The following SENP6 variants were observed in gnomAD, a reference collection of about 807,000 sequenced individuals.
SENP6 encodes SUMO specific peptidase 6.
Under a neutral mutation model 134.5 loss-of-function variants are expected in SENP6, and 41 were observed. The observed-to-expected ratio is 0.30, with a 90% CI of 0.24 to 0.40. SENP6 has a LOEUF of 0.40. Among genes scored for constraint, SENP6 ranks in the 10% least tolerant of loss-of-function variants. The probability of loss-of-function intolerance (pLI) is 1.00; values close to 1 mark genes in which losing one functional copy is unlikely to be tolerated. For synonymous variants in SENP6, 395 were observed against 429.8 expected (o/e 0.92, Z 1.00); for missense variants, 1,248 against 1,312.5 (o/e 0.95, Z 0.76).
At chr6:75,669,824 A>G (rs1250586129) in intron 10 of SENP6, among the ~76,000 whole-genome samples, 2 of 152,238 alleles carry the variant, frequency 1.3e-5, no homozygotes, top group African/African-American at 2.4e-5. Flanking sequence ...GCATGAAGCA[A>G]TCTGCTAAAC....
intron 1 of SENP6, among the ~76,000 whole-genome samples, chr6:75,605,891 G>A (rs1338691686): frequency 6.6e-6 from 1 of 152,218 alleles, no homozygotes; most frequent in African/African-American, 2.4e-5. Context: ...CAAGGTAGAA[G>A]TGGTCGGGGC....
intron 7 of SENP6, chr6:75,655,123 A>G (rs918558991): frequency 1.3e-5 from 2 of 152,240 alleles, no homozygotes; most frequent in African/African-American, 4.8e-5. Context: ...TTGAACCAAG[A>G]TCGGTCCTCC....
intron 5 of SENP6, among the ~76,000 whole-genome samples, chr6:75,637,807 G>C (rs1039315392): frequency 1.3e-5 from 2 of 152,078 alleles, no homozygotes; most frequent in African/African-American, 4.8e-5. Flanking sequence ...AGGAATATGG[G>C]CTCCTAGAAT....
intron 16 of SENP6, among the ~76,000 whole-genome samples, chr6:75,693,518 A>G (rs1774441122): frequency 6.6e-6 from 1 of 152,070 alleles, no homozygotes; most frequent in African/African-American, 2.4e-5. Flanking sequence ...CTATTTATCT[A>G]CATAGTGTGT....
intron 5 of SENP6, among the ~76,000 whole-genome samples, chr6:75,636,564 G>A (rs557899005): frequency 6.6e-6 from 1 of 152,128 alleles, no homozygotes; most frequent in Non-Finnish European, 1.5e-5. Context: ...ATTGATTAGG[G>A]TACAGAAAGA....
intron 16 of SENP6, among the ~76,000 whole-genome samples, chr6:75,692,107 C>T (rs1166812829): frequency 2.0e-5 from 3 of 152,088 alleles, no homozygotes; most frequent in Admixed American, 6.5e-5. Flanking sequence ...CCGCCTGCCT[C>T]GGCCTCCCAA....
At chr6:75,634,841 T>C in intron 5 of SENP6, 30 bp downstream of exon 5, 1 of 1,385,906 alleles carries the variant, frequency 7.2e-7, no homozygotes, top group Non-Finnish European at 1.0e-6. Flanking sequence ...TTGGTTAGTA[T>C]ATACATGGCA....
intron 20 of SENP6, among the ~76,000 whole-genome samples, 160 bp downstream of exon 20, chr6:75,709,790 G>C (rs1775645103): frequency 6.6e-6 from 1 of 151,570 alleles, no homozygotes; most frequent in Admixed American, 6.6e-5. Context: ...GGCAACATAA[G>C]GAAACTCCAT....
intron 18 of SENP6, among the ~76,000 whole-genome samples, chr6:75,701,938 C>T (rs1053776796): frequency 6.6e-6 from 1 of 151,920 alleles, no homozygotes; most frequent in Non-Finnish European, 1.5e-5. Context: ...CCGCACCTGG[C>T]CGACAGTTTA....
chr6:75,614,676 T>G (rs1767716852), intron 1 of SENP6, among the ~76,000 whole-genome samples: 1 of 152,210 alleles, frequency 6.6e-6, no homozygotes, highest in Non-Finnish European at 1.5e-5. Flanking sequence ...CCATTGATGA[T>G]TCATGACTGA....
intron 19 of SENP6, among the ~76,000 whole-genome samples, chr6:75,703,679 T>G (rs920027250): frequency 1.3e-5 from 2 of 152,074 alleles, no homozygotes; most frequent in African/African-American, 4.8e-5. Flanking sequence ...GGAGGATCGC[T>G]TGAGCTCAGG....
intron 7 of SENP6, among the ~76,000 whole-genome samples, chr6:75,652,789 G>A (rs1771000705): frequency 1.3e-5 from 2 of 150,814 alleles, no homozygotes; most frequent in Non-Finnish European, 2.9e-5. Flanking sequence ...CTGCTTTTCA[G>A]CAACATTAGA....
chr6:75,636,128 A>G (rs181373600), intron 5 of SENP6, among the ~76,000 whole-genome samples: 8 of 152,242 alleles, frequency 5.3e-5, no homozygotes, highest in Admixed American at 5.2e-4. Context: ...AACATTTTGC[A>G]TGTGTATTAT....
intron 6 of SENP6, chr6:75,643,976 C>G (rs1231750544): frequency 1.3e-5 from 2 of 152,058 alleles, no homozygotes; most frequent in Non-Finnish European, 2.9e-5. Context: ...CTAAATACCA[C>G]TCTCCACTAA....
rs371184543 is a variant in SENP6 at position 75,713,661 on chromosome 6, A to T, written c.2979-14A>T. The stretch of plus-strand genomic sequence containing the variant: ...ATATATGTGTGTATTCTTAATATAT[A>T]TGAATTATTGCAGGTATTTAGAAGT... On this transcript the variant is annotated splice_polypyrimidine_tract_variant and intron_variant, in intron 22 of 23. Transcript: ENST00000447266. The T allele has an allele frequency of 2.5e-6, 4 of 1,603,178 alleles. No individual in the cohort carries two copies. In the East Asian group the frequency reaches 6.7e-5, roughly 27 times the overall value.
chr6:75,634,475 T>C (rs971037007), intron 4 of SENP6, among the ~76,000 whole-genome samples: 47 of 152,240 alleles, frequency 3.1e-4, no homozygotes, highest in African/African-American at 1.1e-3. Context: ...CTCGATCTCC[T>C]GACCTCAGGT....
chr6:75,609,946 CCTGA>C (rs1480488461), intron 1 of SENP6, among the ~76,000 whole-genome samples: 2 of 152,060 alleles, frequency 1.3e-5, no homozygotes, highest in Non-Finnish European at 2.9e-5. Context: ...TACCACCATG[CCTGA>C]CTAATTTTTG....
intron 16 of SENP6, among the ~76,000 whole-genome samples, chr6:75,691,942 C>T (rs1021791448): frequency 1.3e-4 from 20 of 151,692 alleles, no homozygotes; most frequent in Admixed American, 6.6e-4. Flanking sequence ...CTGCAACATC[C>T]GCCTCCCGGG....
At chr6:75,708,220 C>T (rs528318762) in intron 19 of SENP6, among the ~76,000 whole-genome samples, 1 of 152,018 alleles carries the variant, frequency 6.6e-6, no homozygotes, top group Non-Finnish European at 1.5e-5. Context: ...TGCCACCATG[C>T]CCAGCTAGTT....
Sources: gnomAD v4.1 joint callset for allele counts (sites outside exome capture counted in the v4.1 genomes callset) on GRCh38, gnomAD v4.1.1 for gene constraint, MANE v1.5 for transcripts, NCBI Gene and HGNC (gene_info 2026-07-23, HGNC 2026-07-21) for gene names.